The following CDIN1 variants were observed in gnomAD, a reference collection of about 807,000 sequenced individuals.
CDIN1 encodes the protein CDAN1 interacting nuclease 1.
A neutral mutation model predicts 45.3 loss-of-function variants in CDIN1; 33 were observed. The observed-to-expected ratio is 0.73, with a 90% CI of 0.55 to 0.97. The LOEUF is 0.97. CDIN1 is among the 50% of genes least tolerant of loss of function. The pLI is 0.00. For missense variants in CDIN1, 303 were observed against 339.4 expected (o/e 0.89, Z 0.84); for synonymous variants, 118 against 124.4 (o/e 0.95, Z 0.34).
chr15:36,733,506 A>AT (rs999575207), intron 10 of CDIN1, among the ~76,000 whole-genome samples: 6 of 151,134 alleles, frequency 4.0e-5, no homozygotes, highest in Non-Finnish European at 5.9e-5. Flanking sequence ...AATGTATTGT[A>AT]TTTTTTTTTC....
chr15:36,719,178 T>C (rs1010946631), intron 10 of CDIN1, among the ~76,000 whole-genome samples: 6 of 152,058 alleles, frequency 3.9e-5, no homozygotes, highest in Admixed American at 3.9e-4. Flanking sequence ...GCCATGATCA[T>C]ACCACACTGC....
intron 3 of CDIN1, among the ~76,000 whole-genome samples, chr15:36,650,020 A>G (rs912069097): frequency 2.0e-5 from 3 of 152,250 alleles, no homozygotes; most frequent in Non-Finnish European, 2.9e-5. Context: ...TGTTACCAGT[A>G]TCATATTTAA....
In CDIN1 at chr15:36,677,329, AGTCTTCTGAG is replaced by A. The variant is rs530203328; in HGVS notation, c.347-14353_347-14344del. On this transcript the variant is annotated intron_variant, in intron 5 of 10. Coordinates refer to ENST00000566621, the MANE Select transcript of CDIN1 (RefSeq NM_001321759.2). The stretch of plus-strand genomic sequence containing the variant: ...GGGGAGCAAGTAAGAAAAAATAAGA[AGTCTTCTGAG>A]GTGGGTCCTAATGAATAAAAGAAAA... 3.3e-5 allele frequency among the ~76,000 whole-genome samples: 5 copies of A among 152,218 alleles called. No individual in the cohort carries two copies. The South Asian group carries it at 1.0e-3, about 32-fold the overall frequency.
rs199582378 is a variant in CDIN1 at position 36,688,032 on chromosome 15, T to C, written c.347-3653T>C. On this transcript the variant is annotated intron_variant, in intron 5 of 10. Coordinates refer to ENST00000566621, the MANE Select transcript of CDIN1 (RefSeq NM_001321759.2). ...AAAGCAAAATTTAGAGGAAAAATTA[T>C]AGCCTTGAAAAGTATATTTTAAAAT... Among the ~76,000 whole-genome samples, 14 of 152,192 alleles carry C rather than the reference T, an allele frequency of 9.2e-5. No homozygotes were observed. The East Asian group carries it at 2.7e-3, about 29-fold the overall frequency.
intron 5 of CDIN1, among the ~76,000 whole-genome samples, chr15:36,671,510 T>A (rs2041450910): frequency 6.6e-6 from 1 of 152,024 alleles, no homozygotes; most frequent in East Asian, 1.9e-4. Flanking sequence ...ACTGAACATA[T>A]ACCACCCCCA....
At chr15:36,704,803 G>C (rs1473068047) in intron 8 of CDIN1, 1 of 152,032 alleles carries the variant, frequency 6.6e-6, no homozygotes, top group Non-Finnish European at 1.5e-5. Flanking sequence ...TTCAGATGTT[G>C]TGAACTGGAT....
chr15:36,596,847 A>G (rs1003516654), intron 1 of CDIN1, among the ~76,000 whole-genome samples: 18 of 152,354 alleles, frequency 1.2e-4, no homozygotes, highest in African/African-American at 3.4e-4. Flanking sequence ...TCACAGAAGA[A>G]GAAGCTACAG....
chr15:36,639,150 G>A (rs747735934), intron 1 of CDIN1, among the ~76,000 whole-genome samples: 6 of 151,520 alleles, frequency 4.0e-5, no homozygotes, highest in Non-Finnish European at 7.4e-5. Context: ...CCCAGCAAAA[G>A]TAGTTGAAAG....
intron 10 of CDIN1, chr15:36,755,855 C>T: frequency 4.1e-6 from 1 of 245,288 alleles, no homozygotes; most frequent in Non-Finnish European, 8.2e-6. Flanking sequence ...TTATGTGGAT[C>T]ACAAGAGCGA....
intron 10 of CDIN1, among the ~76,000 whole-genome samples, chr15:36,786,942 G>A (rs1022964924): frequency 2.0e-5 from 3 of 151,890 alleles, no homozygotes; most frequent in African/African-American, 4.8e-5. Context: ...CCTGTCTGCC[G>A]GCATAATCAT....
intron 10 of CDIN1, among the ~76,000 whole-genome samples, chr15:36,796,699 T>C (rs1434115471): frequency 6.6e-6 from 1 of 152,204 alleles, no homozygotes; most frequent in Non-Finnish European, 1.5e-5. Context: ...TCGGGAACCA[T>C]CCTCTGGAGC....
intron 8 of CDIN1, 83 bp from the exon 9 acceptor site, chr15:36,709,140 A>C: frequency 8.6e-7 from 1 of 1,161,056 alleles, no homozygotes; most frequent in Non-Finnish European, 1.2e-6. Flanking sequence ...ATTTTTATAC[A>C]TATTTAAGAA....
chr15:36,791,050 T>C (rs1269984441), intron 10 of CDIN1, among the ~76,000 whole-genome samples: 1 of 152,196 alleles, frequency 6.6e-6, no homozygotes, highest in Admixed American at 6.5e-5. Context: ...CCTCTTTGTG[T>C]CCTTGAGTTC....
intron 1 of CDIN1, chr15:36,618,397 A>C: frequency 1.4e-6 from 1 of 713,674 alleles, no homozygotes; most frequent in South Asian, 1.6e-5. Flanking sequence ...ATGGAACAAA[A>C]TGGGGACTAT....
At chr15:36,650,491 G>A (rs1038222906) in intron 3 of CDIN1, among the ~76,000 whole-genome samples, 2 of 151,438 alleles carry the variant, frequency 1.3e-5, no homozygotes, top group African/African-American at 4.9e-5. Context: ...CACTCAGGCT[G>A]CAGTGCAGTG....
chr15:36,746,099 C>G (rs1465382538), intron 10 of CDIN1, among the ~76,000 whole-genome samples: 1 of 152,182 alleles, frequency 6.6e-6, no homozygotes, highest in African/African-American at 2.4e-5. Context: ...TGTGACACCA[C>G]AGACTTCAGT....
At chr15:36,762,918 G>A (rs931832292) in intron 10 of CDIN1, among the ~76,000 whole-genome samples, 2 of 152,072 alleles carry the variant, frequency 1.3e-5, no homozygotes, top group African/African-American at 4.8e-5. Flanking sequence ...TTGGTTCCAA[G>A]TCTTTGCTAT....
At position 36,723,179 on chromosome 15, in the gene CDIN1, T is replaced by C. The variant is rs548821013; in HGVS notation, c.716+13218T>C. ...CTTGCTTCTCTTTATATATTCCCTT[T>C]TGCTGTTTCCTTCCCATTTGTTGCT... On this transcript the variant is annotated intron_variant, in intron 10 of 10. Transcript: ENST00000566621. Among the ~76,000 whole-genome samples the C allele has an allele frequency of 5.9e-5, 9 of 151,944 alleles. No homozygotes were observed. The South Asian group carries it at 1.9e-3, about 32-fold the overall frequency.
rs2141162886 is a variant in CDIN1, at chr15:36,809,335, A to G, written c.*882A>G. The G allele has an allele frequency of 5.6e-6, 1 of 179,090 alleles. No homozygotes were observed. The highest frequency in any genetic ancestry group is 2.4e-5 in the African/African-American group (1 of 42,056). The allele number at this position is 179,090 out of a possible 1,614,324, so 11.1% of individuals were successfully genotyped here. A position where few individuals can be genotyped will look rare whatever the true frequency, so the allele number is the denominator to read the frequency against. ...CGAGTTTTTTAAAGGCACATTCTGT[A>G]TACTGCTTAGTATATGCATTTTATA... On this transcript the variant is annotated 3_prime_UTR_variant, in exon 11 of 11. Transcript: ENST00000566621.
Sources: gnomAD v4.1 joint callset for allele counts (sites outside exome capture counted in the v4.1 genomes callset) on GRCh38, gnomAD v4.1.1 for gene constraint, MANE v1.5 for transcripts, NCBI Gene and HGNC (gene_info 2026-07-23, HGNC 2026-07-21) for gene names.